Variants in DISC1 observed in about 807,000 individuals in gnomAD.
DISC1 encodes DISC1 scaffold protein.
A neutral mutation model predicts 84.5 loss-of-function variants in DISC1; 57 were observed. The ratio of observed to expected loss-of-function variants is 0.67; its 90% CI spans 0.55 to 0.84. The LOEUF (loss-of-function observed/expected upper bound fraction) is 0.84, where lower values mean the gene tolerates loss of function less well. Ranked by LOEUF, DISC1 falls within the 40% of genes least tolerant of loss-of-function variation. The pLI, the probability that DISC1 is intolerant of heterozygous loss-of-function variation, is 0.00. For synonymous variants in DISC1, 411 were observed against 415.2 expected, an observed-to-expected ratio of 0.99 and a Z score of 0.12; for missense variants, 1,000 against 1,057.8, an observed-to-expected ratio of 0.95 and a Z score of 0.76.
At chr1:231,978,882 C>T (rs1663193944) in intron 10 of DISC1, among the ~76,000 whole-genome samples, 1 of 152,176 alleles carries the variant, frequency 6.6e-6, no homozygotes, top group Non-Finnish European at 1.5e-5. Flanking sequence ...CAGGGGTCTC[C>T]AACCCCCGGG....
At chr1:232,030,076 A>T (rs1449866550) in intron 12 of DISC1, among the ~76,000 whole-genome samples, 1 of 152,214 alleles carries the variant, frequency 6.6e-6, no homozygotes, top group African/African-American at 2.4e-5. Flanking sequence ...AACAGTCTGC[A>T]CCATTAATTG....
intron 9 of DISC1, among the ~76,000 whole-genome samples, chr1:231,828,062 T>A (rs1214176031): frequency 1.3e-5 from 2 of 152,230 alleles, no homozygotes; most frequent in Non-Finnish European, 2.9e-5. Flanking sequence ...TAACCAAATT[T>A]TATTTGCCAA....
At position 231,644,886 on chromosome 1, in the gene DISC1, T is replaced by C. The variant is rs529647259; in HGVS notation, c.67+17952T>C. ...ACGTGGACTCTCTGAATCTGTTGGG[T>C]GCTTAGGGCCTGGGTTTGTGCCCTA... On this transcript the variant is annotated intron_variant, in intron 1 of 12. Transcript: ENST00000439617. Among the ~76,000 whole-genome samples the C allele has an allele frequency of 3.3e-5, 5 of 152,026 alleles. 1 individual carries two copies. The highest frequency in any genetic ancestry group is 1.2e-4 in the African/African-American group (5 of 41,486).
intron 9 of DISC1, among the ~76,000 whole-genome samples, chr1:231,949,557 G>T (rs1657934901): frequency 2.0e-5 from 3 of 152,112 alleles, no homozygotes; most frequent in Non-Finnish European, 2.9e-5. Flanking sequence ...CAGTATTTGG[G>T]CTGGCTGCTT....
At chr1:231,753,441 A>G (rs1485831189) in intron 4 of DISC1, among the ~76,000 whole-genome samples, 1 of 152,200 alleles carries the variant, frequency 6.6e-6, no homozygotes, top group Admixed American at 6.5e-5. Flanking sequence ...CTGGAGTTGG[A>G]AAAACTGACA....
intron 9 of DISC1, among the ~76,000 whole-genome samples, chr1:231,840,507 C>T (rs890525328): frequency 2.0e-5 from 3 of 152,134 alleles, no homozygotes; most frequent in Non-Finnish European, 4.4e-5. Flanking sequence ...AACAACCTGG[C>T]TGCATCTCAA....
At chr1:231,843,109 G>A (rs367643919) in intron 9 of DISC1, among the ~76,000 whole-genome samples, 1 of 152,118 alleles carries the variant, frequency 6.6e-6, no homozygotes, top group Admixed American at 6.5e-5. Context: ...GTGTATGATG[G>A]GGGGGTATGA....
At chr1:231,737,938 A>C (rs1017007507) in intron 3 of DISC1, among the ~76,000 whole-genome samples, 1 of 152,026 alleles carries the variant, frequency 6.6e-6, no homozygotes, top group Admixed American at 6.6e-5. Flanking sequence ...GCTCTCTGCA[A>C]CCTCTGCCTC....
At chr1:231,684,764 C>A (rs913489049) in intron 1 of DISC1, 2 of 152,168 alleles carry the variant, frequency 1.3e-5, no homozygotes, top group Non-Finnish European at 2.9e-5. Context: ...AGGATTCATG[C>A]CTTCCGACTG....
At chr1:231,835,194 T>G (rs983745554) in intron 9 of DISC1, among the ~76,000 whole-genome samples, 5 of 152,136 alleles carry the variant, frequency 3.3e-5, no homozygotes, top group African/African-American at 1.2e-4. Flanking sequence ...AGGGGATTGA[T>G]CTCCCAAGGG....
intron 9 of DISC1, among the ~76,000 whole-genome samples, chr1:231,929,889 T>C (rs1467886163): frequency 2.0e-5 from 3 of 152,118 alleles, no homozygotes; most frequent in Non-Finnish European, 4.4e-5. Flanking sequence ...GGCTTTGTAG[T>C]AGTTAAGGGG....
rs72513675 is a variant in DISC1, at chr1:231,912,742, C to CTTCTTTCT, written c.1982-46027_1982-46020dup. ...GGGACATTTAAGTCTGCAGCTTGCT[C>CTTCTTTCT]TTCTTTCTTTCTTTCTTTCTTTCTT... On this transcript the variant is annotated intron_variant, in intron 9 of 12. Transcript: ENST00000439617. Among the ~76,000 whole-genome samples the CTTCTTTCT allele has an allele frequency of 3.8e-3, 510 of 132,542 alleles. 4 individuals carry two copies. Among genetic ancestry groups the CTTCTTTCT allele is most frequent in the Middle Eastern group, 7.7e-3 (2 of 260 alleles). 87.0% of individuals were successfully genotyped at this position (132,542 alleles called of 152,430 possible).
intron 4 of DISC1, among the ~76,000 whole-genome samples, chr1:231,765,035 C>G (rs946246375): frequency 6.6e-6 from 1 of 151,774 alleles, no homozygotes; most frequent in Non-Finnish European, 1.5e-5. Context: ...ACTAAAAGTA[C>G]AAAAATTAGC....
chr1:231,821,127 T>C (rs1412973599), intron 9 of DISC1, among the ~76,000 whole-genome samples: 3 of 152,220 alleles, frequency 2.0e-5, no homozygotes, highest in Admixed American at 6.5e-5. Flanking sequence ...TCTTTTAAAA[T>C]AGTAAATATA....
At chr1:232,029,883 C>T (rs535303511) in intron 12 of DISC1, among the ~76,000 whole-genome samples, 4 of 152,252 alleles carry the variant, frequency 2.6e-5, no homozygotes, top group African/African-American at 4.8e-5. Flanking sequence ...ATTTAATATC[C>T]GAGTTATGGG....
chr1:231,666,183 C>T (rs1175636079), intron 1 of DISC1, among the ~76,000 whole-genome samples: 1 of 151,736 alleles, frequency 6.6e-6, no homozygotes, highest in Non-Finnish European at 1.5e-5. Flanking sequence ...ACTGCTCACT[C>T]AGGTTGAGTT....
Position 232,038,610 on chromosome 1 carries a change from A to G in DISC1, c.*1779A>G, listed in dbSNP as rs1407891669. ...TTCATGTAACTCCTATTCATATCCC[A>G]TAGATCTAGTATTGTACAGCACTGC... is the stretch of plus-strand genomic sequence containing the variant. On this transcript the variant is annotated 3_prime_UTR_variant, in exon 13 of 13. Transcript: ENST00000439617. 1 of 152,078 alleles carries G rather than the reference A, an allele frequency of 6.6e-6. No individual in the cohort carries two copies. Among genetic ancestry groups the G allele is most frequent in the Non-Finnish European group, 1.5e-5 (1 of 68,016 alleles). 9.4% of individuals were successfully genotyped at this position (152,078 alleles called of 1,614,324 possible).
chr1:231,880,756 T>TG (rs3084383), intron 9 of DISC1, among the ~76,000 whole-genome samples: 72 of 150,722 alleles, frequency 4.8e-4, no homozygotes, highest in Middle Eastern at 3.4e-3. Flanking sequence ...CAAGGCAAGG[T>TG]GGGGGGGGGG....
intron 10 of DISC1, among the ~76,000 whole-genome samples, chr1:231,973,666 A>T (rs1662364058): frequency 6.6e-6 from 1 of 152,246 alleles, no homozygotes; most frequent in Non-Finnish European, 1.5e-5. Context: ...TCACTGTGTG[A>T]TCACATGCAT....
Sources: gnomAD v4.1 joint callset for allele counts (sites outside exome capture counted in the v4.1 genomes callset) on GRCh38, gnomAD v4.1.1 for gene constraint, MANE v1.5 for transcripts, NCBI Gene and HGNC (gene_info 2026-07-23, HGNC 2026-07-21) for gene names.